The following ASIC2 variants were observed in gnomAD, a reference collection of about 807,000 sequenced individuals.
The protein encoded by ASIC2 is acid-sensing ion channel 2.
Under a neutral mutation model 57.3 loss-of-function variants are expected in ASIC2, and 25 were observed. The observed-to-expected ratio is 0.44, with a 90% CI of 0.32 to 0.61. The LOEUF is 0.61. ASIC2 is among the 20% of genes least tolerant of loss of function. ASIC2 has a pLI of 0.06. For synonymous variants in ASIC2, 319 were observed against 307.5 expected, an observed-to-expected ratio of 1.04 and a Z score of -0.39; for missense variants, 641 against 738.1, an observed-to-expected ratio of 0.87 and a Z score of 1.52.
chr17:33,955,790 G>T (rs533225482), intron 1 of ASIC2, among the ~76,000 whole-genome samples: 1 of 152,078 alleles, frequency 6.6e-6, no homozygotes, highest in Non-Finnish European at 1.5e-5. Context: ...AATCCCAACT[G>T]CTTATGTTTT....
At chr17:33,758,711 G>A (rs1164353537) in intron 1 of ASIC2, among the ~76,000 whole-genome samples, 3 of 152,108 alleles carry the variant, frequency 2.0e-5, no homozygotes, top group African/African-American at 7.2e-5. Context: ...TAGAACATTA[G>A]CATGCTTGAG....
intron 2 of ASIC2, among the ~76,000 whole-genome samples, chr17:33,106,379 T>C (rs946994026): frequency 6.6e-6 from 1 of 152,216 alleles, no homozygotes; most frequent in Admixed American, 6.5e-5. Context: ...GGGCAGATTG[T>C]ATTTGATAAA....
intron 1 of ASIC2, among the ~76,000 whole-genome samples, chr17:33,843,840 G>A (rs931787450): frequency 1.3e-5 from 2 of 152,190 alleles, no homozygotes; most frequent in African/African-American, 4.8e-5. Flanking sequence ...GAATGCCAAT[G>A]CTATTTTGAT....
chr17:33,779,967 CTTTTTTTT>C (rs759850922), intron 1 of ASIC2, among the ~76,000 whole-genome samples: 1 of 85,206 alleles, frequency 1.2e-5, no homozygotes, highest in Non-Finnish European at 2.1e-5. Context: ...CTACAGAAGC[CTTTTTTTT>C]TTTTTTTTTT....
At chr17:33,511,097 C>T (rs1914417581) in intron 1 of ASIC2, among the ~76,000 whole-genome samples, 1 of 152,018 alleles carries the variant, frequency 6.6e-6, no homozygotes, top group Admixed American at 6.5e-5. Context: ...AGCCTTTTCA[C>T]AGACGGGTGC....
chr17:33,812,727 G>A (rs934755006), intron 1 of ASIC2, among the ~76,000 whole-genome samples: 15 of 152,202 alleles, frequency 9.9e-5, no homozygotes, highest in Admixed American at 2.6e-4. Context: ...GCTCATATGA[G>A]ATTATAATGT....
intron 1 of ASIC2, among the ~76,000 whole-genome samples, chr17:33,690,296 C>T (rs1220620726): frequency 6.6e-6 from 1 of 152,176 alleles, no homozygotes; most frequent in African/African-American, 2.4e-5. Context: ...CTCAACTAGG[C>T]TGGGTCATCT....
chr17:34,138,001 C>T (rs1912170867), intron 1 of ASIC2, among the ~76,000 whole-genome samples: 1 of 152,198 alleles, frequency 6.6e-6, no homozygotes, highest in Admixed American at 6.5e-5. Context: ...GTCCCACCTT[C>T]TAGAGTCAAA....
At chr17:33,747,197 C>A (rs189603449) in intron 1 of ASIC2, among the ~76,000 whole-genome samples, 3 of 148,170 alleles carry the variant, frequency 2.0e-5, no homozygotes, top group Non-Finnish European at 1.5e-5. Context: ...GCACGTGACA[C>A]AAAACCTTGC....
intron 1 of ASIC2, among the ~76,000 whole-genome samples, chr17:33,303,949 C>T (rs1451011112): frequency 2.0e-5 from 3 of 152,182 alleles, no homozygotes; most frequent in African/African-American, 7.2e-5. Flanking sequence ...AGTTCATACC[C>T]TTTGACCTAG....
At chr17:34,092,736 T>C (rs1045212012) in intron 1 of ASIC2, among the ~76,000 whole-genome samples, 7 of 152,176 alleles carry the variant, frequency 4.6e-5, no homozygotes, top group African/African-American at 1.7e-4. Flanking sequence ...CTGGCAGCCA[T>C]CCACCTACCA....
chr17:33,412,420 G>A (rs1157117329), intron 1 of ASIC2, among the ~76,000 whole-genome samples: 3 of 152,202 alleles, frequency 2.0e-5, no homozygotes, highest in Non-Finnish European at 4.4e-5. Context: ...GTGAGGCACT[G>A]GGCTAAGCAT....
chr17:33,383,310 G>A (rs1010869879), intron 1 of ASIC2, among the ~76,000 whole-genome samples: 18 of 152,252 alleles, frequency 1.2e-4, no homozygotes, highest in Middle Eastern at 6.8e-3. Flanking sequence ...CTTTGTGCCT[G>A]GGTGTCTATA....
chr17:34,151,856 A>C (rs532766768), intron 1 of ASIC2, among the ~76,000 whole-genome samples: 3 of 152,268 alleles, frequency 2.0e-5, no homozygotes, highest in African/African-American at 7.2e-5. Context: ...TCAGCACGAT[A>C]GCTCTAAGTG....
chr17:33,208,514 CT>C (rs1907154542), intron 1 of ASIC2, among the ~76,000 whole-genome samples: 1 of 152,140 alleles, frequency 6.6e-6, no homozygotes, highest in Non-Finnish European at 1.5e-5. Context: ...TCCCTCAGAG[CT>C]TTGCTTGGCT....
At chr17:34,084,572 T>G (rs1598015615) in intron 1 of ASIC2, among the ~76,000 whole-genome samples, 2 of 152,256 alleles carry the variant, frequency 1.3e-5, no homozygotes, top group East Asian at 3.8e-4. Flanking sequence ...TTTCCAATTC[T>G]GTGAAGAAAG....
intron 1 of ASIC2, among the ~76,000 whole-genome samples, chr17:34,045,008 T>A (rs1289221239): frequency 2.0e-5 from 3 of 152,206 alleles, no homozygotes; most frequent in Admixed American, 1.3e-4. Context: ...GGAAGTTGGA[T>A]GAGGAAAATG....
At chr17:33,190,559 T>C (rs1246606403) in intron 1 of ASIC2, among the ~76,000 whole-genome samples, 2 of 152,156 alleles carry the variant, frequency 1.3e-5, no homozygotes, top group Non-Finnish European at 2.9e-5. Context: ...TATATGGAAA[T>C]GTGAAAGACC....
At chr17:33,892,515 A>G (rs888016936) in intron 1 of ASIC2, among the ~76,000 whole-genome samples, 3 of 152,092 alleles carry the variant, frequency 2.0e-5, no homozygotes, top group African/African-American at 4.8e-5. Flanking sequence ...CCTTGAAATA[A>G]TCCCATCACT....
Sources: gnomAD v4.1 joint callset for allele counts (sites outside exome capture counted in the v4.1 genomes callset) on GRCh38, gnomAD v4.1.1 for gene constraint, MANE v1.5 for transcripts, NCBI Gene and HGNC (gene_info 2026-07-23, HGNC 2026-07-21) for gene names.